The following NEK11 variants were observed in gnomAD, a reference collection of about 807,000 sequenced individuals.
NEK11 encodes the protein serine/threonine-protein kinase Nek11.
In NEK11, 72 loss-of-function variants were observed where a neutral mutation model predicts 80.7. The ratio of observed to expected loss-of-function variants is 0.89; its 90% CI spans 0.74 to 1.08. The LOEUF is 1.08. Ranked by LOEUF, NEK11 falls within the 50% of genes least tolerant of loss-of-function variation. The pLI is 0.00. For missense variants in NEK11, 764 were observed against 763.6 expected (o/e 1.00, Z -0.01); for synonymous variants, 251 against 260.7 (o/e 0.96, Z 0.36).
chr3:131,246,814 G>C (rs2095609914), intron 16 of NEK11, among the ~76,000 whole-genome samples: 1 of 152,016 alleles, frequency 6.6e-6, no homozygotes, highest in South Asian at 2.1e-4. Flanking sequence ...ATTTTTGCAG[G>C]AGTGAGGTGG....
intron 7 of NEK11, among the ~76,000 whole-genome samples, chr3:131,147,796 G>C (rs2088688479): frequency 6.6e-6 from 1 of 151,896 alleles, no homozygotes; most frequent in African/African-American, 2.4e-5. Flanking sequence ...CATGATTAAT[G>C]ACAGTCTAAT....
chr3:131,131,885 T>G (rs2084553816), intron 5 of NEK11, among the ~76,000 whole-genome samples: 1 of 152,110 alleles, frequency 6.6e-6, no homozygotes, highest in South Asian at 2.1e-4. Context: ...TCACACAAAT[T>G]TTGATAAAGT....
chr3:131,258,621 T>C (rs760051370), intron 16 of NEK11, among the ~76,000 whole-genome samples: 6 of 152,228 alleles, frequency 3.9e-5, no homozygotes, highest in Non-Finnish European at 8.8e-5. Context: ...ACACTTCGTC[T>C]CTTCCTTTTA....
rs765629140 is a variant in NEK11, at chr3:131,133,814, T to A, written c.521-16T>A. Reference sequence around the variant, plus strand: ...GTTGGCTTAAAGTATTCATAAAAATTAATTATTATTTCAAGGAGATTTTGG... The same window carrying A: ...GTTGGCTTAAAGTATTCATAAAAATAAATTATTATTTCAAGGAGATTTTGG... On this transcript the variant is annotated splice_polypyrimidine_tract_variant and intron_variant, in intron 6 of 17. Coordinates refer to ENST00000383366, the MANE Select transcript of NEK11 (RefSeq NM_024800.5). 3.7e-6 allele frequency: 6 copies of A among 1,600,980 alleles called. No homozygotes were observed. Among genetic ancestry groups the A allele is most frequent in the Non-Finnish European group, 5.1e-6 (6 of 1,173,920 alleles).
rs1007050228 is a variant in NEK11, at chr3:131,152,505, A to G, written c.765A>G (p.Arg255=). Residue 255 remains arginine, a synonymous_variant, in exon 8 of 18, where the codon AGA becomes AGG. Transcript: ENST00000383366. ...GTGACACACCTTCTCTCCCTGAGAG[A>G]TATCCAAAAGAACTAAATGCCATCA... ...VEGDTPSLPE[R]YPKELNAIME... 1 of 1,613,692 alleles carries G rather than the reference A, an allele frequency of 6.2e-7. No individual in the cohort carries two copies. The highest frequency in any genetic ancestry group is 8.5e-7 in the Non-Finnish European group (1 of 1,179,806).
chr3:131,054,824 C>T (rs1036835461), intron 3 of NEK11, among the ~76,000 whole-genome samples: 2 of 151,774 alleles, frequency 1.3e-5, no homozygotes, highest in African/African-American at 4.8e-5. Flanking sequence ...TATGGAATTG[C>T]TGAAGATGGC....
At chr3:131,223,878 T>G (rs2107708651) in intron 14 of NEK11, among the ~76,000 whole-genome samples, 1 of 152,222 alleles carries the variant, frequency 6.6e-6, no homozygotes, top group Admixed American at 6.5e-5. Flanking sequence ...TATTGCCCAT[T>G]TCAGTTGGGT....
At chr3:131,120,653 A>G (rs1020659401) in intron 5 of NEK11, among the ~76,000 whole-genome samples, 2 of 151,992 alleles carry the variant, frequency 1.3e-5, no homozygotes, top group Admixed American at 1.3e-4. Context: ...ATACTCCTAT[A>G]TTTCTTGGAG....
At chr3:131,332,797 G>C (rs1221297734) in intron 17 of NEK11, among the ~76,000 whole-genome samples, 1 of 152,240 alleles carries the variant, frequency 6.6e-6, no homozygotes, top group Admixed American at 6.5e-5. Flanking sequence ...TGAAAGCCAA[G>C]GCTCGAGAAC....
intron 5 of NEK11, among the ~76,000 whole-genome samples, chr3:131,110,921 T>C (rs1163677490): frequency 6.6e-6 from 1 of 152,196 alleles, no homozygotes; most frequent in East Asian, 1.9e-4. Flanking sequence ...TGTCAAACTA[T>C]CTTTAGAAAT....
chr3:131,297,745 A>G (rs561655446), intron 17 of NEK11, among the ~76,000 whole-genome samples: 46 of 152,248 alleles, frequency 3.0e-4, no homozygotes, highest in African/African-American at 1.1e-3. Context: ...GCCCATGCCT[A>G]TGTCCTGAAT....
rs116193371 is a variant in NEK11, at chr3:131,049,028, T to A, written c.170+19150T>A. Among the ~76,000 whole-genome samples the A allele has an allele frequency of 3.0e-3, 455 of 152,366 alleles. 2 individuals carry two copies. Among genetic ancestry groups the A allele is most frequent in the Non-Finnish European group, 4.4e-3 (296 of 68,034 alleles). ...CGGAAGACTTGGTGTCCATTTTGAC[T>A]TCGCGAACCTAAGGCTTGAACTAGT... is the stretch of plus-strand genomic sequence containing the variant. On this transcript the variant is annotated intron_variant, in intron 3 of 17. Transcript: ENST00000383366.
In NEK11 at chr3:131,096,363, G is replaced by A. The variant is rs141556979; in HGVS notation, c.337-13440G>A. On this transcript the variant is annotated intron_variant, in intron 4 of 17. Transcript: ENST00000383366. Reference sequence around the variant, plus strand: ...GCTGTAGAGGACATGATTTCATTCCGTTTTTATGGCTGTGGAGTATTCCGT... The same window carrying A: ...GCTGTAGAGGACATGATTTCATTCCATTTTTATGGCTGTGGAGTATTCCGT... Among the ~76,000 whole-genome samples the A allele has an allele frequency of 1.1e-4, 17 of 152,034 alleles. No individual in the cohort carries two copies. In the East Asian group the frequency reaches 1.9e-3, roughly 17 times the overall value.
At chr3:131,210,042 C>T (rs2150506576) in intron 14 of NEK11, among the ~76,000 whole-genome samples, 1 of 152,216 alleles carries the variant, frequency 6.6e-6, no homozygotes, top group East Asian at 1.9e-4. Flanking sequence ...AATGTATTTG[C>T]TCTTGTTTCT....
At chr3:131,092,053 G>A (rs2076811292) in intron 4 of NEK11, among the ~76,000 whole-genome samples, 1 of 152,208 alleles carries the variant, frequency 6.6e-6, no homozygotes, top group Admixed American at 6.5e-5. Flanking sequence ...GAGGTTTGCT[G>A]CACAGGAATG....
chr3:131,139,407 A>G (rs1347867429), intron 7 of NEK11, among the ~76,000 whole-genome samples: 3 of 151,972 alleles, frequency 2.0e-5, no homozygotes. Flanking sequence ...AAGTAGCCTC[A>G]AAAGGCAAGT....
chr3:131,032,498 C>G (rs2065024003), intron 3 of NEK11, among the ~76,000 whole-genome samples: 1 of 152,280 alleles, frequency 6.6e-6, no homozygotes, highest in East Asian at 1.9e-4. Flanking sequence ...TACGTGCCGA[C>G]CTTTGTAGAC....
At chr3:131,343,380 G>A (rs1221791426) in intron 17 of NEK11, among the ~76,000 whole-genome samples, 1 of 152,132 alleles carries the variant, frequency 6.6e-6, no homozygotes, top group East Asian at 1.9e-4. Context: ...CAGAAGAGGA[G>A]GCCAAGTATA....
chr3:131,201,252 C>T (rs1018381839), intron 14 of NEK11, among the ~76,000 whole-genome samples: 2 of 149,678 alleles, frequency 1.3e-5, no homozygotes, highest in Admixed American at 6.7e-5. Flanking sequence ...AAAGCAAGGA[C>T]GTGCTTACCA....
Sources: allele counts gnomAD v4.1 joint callset (sites outside exome capture counted in the v4.1 genomes callset), GRCh38; gene constraint gnomAD v4.1.1; transcripts MANE v1.5; gene names NCBI Gene and HGNC (gene_info 2026-07-23, HGNC 2026-07-21).